The following RFX2 variants were observed in gnomAD, a reference collection of about 807,000 sequenced individuals.
RFX2 encodes regulatory factor X2.
Under a neutral mutation model 87.8 loss-of-function variants are expected in RFX2, and 20 were observed. The observed-to-expected ratio is 0.23, with a 90% CI of 0.16 to 0.33. The LOEUF (loss-of-function observed/expected upper bound fraction) is 0.33. Among genes scored for constraint, RFX2 ranks in the 10% least tolerant of loss-of-function variants. RFX2 has a pLI of 1.00. For missense variants in RFX2, 767 were observed against 1,012.3 expected (o/e 0.76, Z 3.29); for synonymous variants, 397 against 431.3 (o/e 0.92, Z 0.98).
intron 1 of RFX2, among the ~76,000 whole-genome samples, chr19:6,100,419 G>C (rs997701033): frequency 1.3e-5 from 2 of 152,210 alleles, no homozygotes; most frequent in Admixed American, 6.5e-5. Context: ...ATCCAGAGAC[G>C]ACAGAGCCCA....
At chr19:6,055,482 G>A (rs1429784865) in intron 1 of RFX2, among the ~76,000 whole-genome samples, 1 of 152,102 alleles carries the variant, frequency 6.6e-6, no homozygotes, top group Non-Finnish European at 1.5e-5. Context: ...AAAGTACAGT[G>A]GCACAATCAC....
At position 6,047,124 on chromosome 19, in the gene RFX2, A is replaced by G. The variant is rs2087201875; in HGVS notation, c.90+283T>C. On this transcript the variant is annotated intron_variant, in intron 2 of 17. Coordinates refer to ENST00000303657, the MANE Select transcript of RFX2 (RefSeq NM_000635.4). The surrounding 1 kb of genome is among the most constrained non-coding windows in gnomAD (Gnocchi z 4.2). ...TAAAAGGGTCATTTCCAAGTACAAG[A>G]AAACCTCCACTGAAAGCTAAGAAGA... Among the ~76,000 whole-genome samples the G allele has an allele frequency of 2.0e-5, 3 of 152,198 alleles. No individual in the cohort carries two copies. The highest frequency in any genetic ancestry group is 6.5e-5 in the Admixed American group (1 of 15,280).
chr19:6,056,221 G>C lies in RFX2; in HGVS notation c.-8-8717C>G, dbSNP rs1246820093. Among the ~76,000 whole-genome samples, 1 of 152,224 alleles carries C rather than the reference G, an allele frequency of 6.6e-6. No homozygotes were observed. Among genetic ancestry groups the C allele is most frequent in the African/African-American group, 2.4e-5 (1 of 41,452 alleles). On this transcript the variant is annotated intron_variant, in intron 1 of 17. Coordinates refer to ENST00000303657, the MANE Select transcript of RFX2 (RefSeq NM_000635.4). This position sits in a 1 kb window ranked among gnomAD's most constrained non-coding sequence, Gnocchi z 4.6. ...AAGCCTGTAAAAATACAAGGGTGGAGAGGAGGACGGAGAGTGGGTACAGGT... is the reference window on the plus strand; with the variant it reads ...AAGCCTGTAAAAATACAAGGGTGGACAGGAGGACGGAGAGTGGGTACAGGT...
rs146360636 is a variant in RFX2, at chr19:5,994,699, C to T, written c.*136G>A. 171 of 632,016 alleles carry T rather than the reference C, an allele frequency of 2.7e-4. No individual in the cohort carries two copies. In the African/African-American group the frequency reaches 2.9e-3, roughly 11 times the overall value. 39.2% of individuals were successfully genotyped at this position (632,016 alleles called of 1,614,324 possible). On this transcript the variant is annotated 3_prime_UTR_variant, in exon 18 of 18. Transcript: ENST00000303657. ...TGCTTTCCTTCTTGAACACTGACCC[C>T]GGGAGCCCCCGCTTGAGTCAAAGTA...
chr19:6,090,950 G>A (rs1271628996), intron 1 of RFX2, among the ~76,000 whole-genome samples: 2 of 152,168 alleles, frequency 1.3e-5, no homozygotes, highest in Admixed American at 6.5e-5. Flanking sequence ...AGTCAGTCAC[G>A]AAAAAGGTCA....
In RFX2 at chr19:6,061,951, G is replaced by A. The variant is rs896939552; in HGVS notation, c.-8-14447C>T. ...GAACCCAGGAGTTCGAGACCAGCCT[G>A]GGCAACATAGCGAGGCCCCATCTCT... On this transcript the variant is annotated intron_variant, in intron 1 of 17. Coordinates refer to ENST00000303657, the MANE Select transcript of RFX2 (RefSeq NM_000635.4). The surrounding 1 kb of genome is among the most constrained non-coding windows in gnomAD (Gnocchi z 5.2). Among the ~76,000 whole-genome samples the A allele has an allele frequency of 6.6e-6, 1 of 152,134 alleles. No individual in the cohort carries two copies. The highest frequency in any genetic ancestry group is 1.5e-5 in the Non-Finnish European group (1 of 68,032).
chr19:6,075,441 C>T (rs988201848), intron 1 of RFX2, among the ~76,000 whole-genome samples: 7 of 152,186 alleles, frequency 4.6e-5, no homozygotes, highest in African/African-American at 7.2e-5. Flanking sequence ...TGGAAGCAAA[C>T]GTCAGGGCTG....
chr19:6,082,669 G>A lies in RFX2; in HGVS notation c.-9+27724C>T, dbSNP rs183134574. Among the ~76,000 whole-genome samples, 4 of 152,286 alleles carry A rather than the reference G, an allele frequency of 2.6e-5. No homozygotes were observed. In the East Asian group the frequency reaches 7.7e-4, roughly 29 times the overall value. Reference sequence around the variant, plus strand: ...ACTGGTCTTGAACTCCAGGGCTCATGGGATCCGCCCACTTTGGCCTCCCAA... The same window carrying A: ...ACTGGTCTTGAACTCCAGGGCTCATAGGATCCGCCCACTTTGGCCTCCCAA... On this transcript the variant is annotated intron_variant, in intron 1 of 17. Coordinates refer to ENST00000303657, the MANE Select transcript of RFX2 (RefSeq NM_000635.4).
chr19:6,098,299 A>ACT (rs2088058897), intron 1 of RFX2, among the ~76,000 whole-genome samples: 1 of 152,134 alleles, frequency 6.6e-6, no homozygotes, highest in Admixed American at 6.6e-5. Context: ...GAGAACTGTT[A>ACT]CTGGTCTAAC....
In RFX2 at chr19:6,044,494, T is replaced by C. The variant is rs906410503; in HGVS notation, c.91-212A>G. Among the ~76,000 whole-genome samples the C allele has an allele frequency of 2.0e-5, 3 of 152,152 alleles. No homozygotes were observed. Among genetic ancestry groups the C allele is most frequent in the Non-Finnish European group, 2.9e-5 (2 of 68,020 alleles). ...CAGGTACGTGCAGGCACACAAACAA[T>C]GCACATACATACACAAGTGTGCACA... On this transcript the variant is annotated intron_variant, in intron 2 of 17. Transcript: ENST00000303657. The surrounding 1 kb of genome is among the most constrained non-coding windows in gnomAD (Gnocchi z 5.3).
chr19:6,016,406 T>C lies in RFX2; in HGVS notation c.598-135A>G. 1 of 603,682 alleles carries C rather than the reference T, an allele frequency of 1.7e-6. No homozygotes were observed. The highest frequency in any genetic ancestry group is 3.1e-5 in the East Asian group (1 of 31,924). 37.4% of individuals were successfully genotyped at this position (603,682 alleles called of 1,614,324 possible). On this transcript the variant is annotated intron_variant, in intron 6 of 17. Coordinates refer to ENST00000303657, the MANE Select transcript of RFX2 (RefSeq NM_000635.4). The surrounding 1 kb of genome is among the most constrained non-coding windows in gnomAD (Gnocchi z 5.4). ...TGAGGAAATCCATCTTTTCTTTCTT[T>C]TTGAGGCGGAGTCTTGCTCTGTCAC...
In RFX2 at chr19:6,042,064, G is replaced by A. The variant is rs772436868; in HGVS notation, c.240C>T (p.Ala80=). The change falls in exon 4 of 18, where the codon GCC becomes GCT. Residue 80 remains alanine, a synonymous_variant. Coordinates refer to ENST00000303657, the MANE Select transcript of RFX2 (RefSeq NM_000635.4). ...AQVQYVEGGD[A]VYTNGAIRTA... is the part of the protein sequence containing the mutation. Reference sequence around the variant, plus strand: ...CGCACATGGCTCCATTGGTGTAGACGGCGTCTCCCCCTTCCACGTACTGCA... The same window carrying A: ...CGCACATGGCTCCATTGGTGTAGACAGCGTCTCCCCCTTCCACGTACTGCA... 1.1e-5 allele frequency: 18 copies of A among 1,613,728 alleles called. No homozygotes were observed. The highest frequency in any genetic ancestry group is 1.3e-5 in the African/African-American group (1 of 74,852).
At chr19:6,076,292 C>T (rs747722996) in intron 1 of RFX2, among the ~76,000 whole-genome samples, 4 of 152,056 alleles carry the variant, frequency 2.6e-5, no homozygotes, top group Admixed American at 1.3e-4. Context: ...TGCAGTGAGC[C>T]GAGATGGTGC....
intron 13 of RFX2, among the ~76,000 whole-genome samples, chr19:6,003,256 T>A (rs1479515963): frequency 6.6e-6 from 1 of 151,602 alleles, no homozygotes; most frequent in African/African-American, 2.4e-5. Context: ...AGAGATGGGG[T>A]CTTGCTTGTT....
At chr19:6,091,431 G>C (rs1231268255) in intron 1 of RFX2, among the ~76,000 whole-genome samples, 1 of 149,534 alleles carries the variant, frequency 6.7e-6, no homozygotes, top group Non-Finnish European at 1.5e-5. Context: ...CTGGGCGACA[G>C]AGCAAGACCC....
intron 1 of RFX2, among the ~76,000 whole-genome samples, chr19:6,070,073 GT>G (rs2087576028): frequency 3.1e-4 from 1 of 3,194 alleles, no homozygotes; most frequent in Non-Finnish European, 8.2e-4. Context: ...GGGATGGGAT[GT>G]GGATGGGATG....
chr19:6,063,678 G>T lies in RFX2; in HGVS notation c.-8-16174C>A, dbSNP rs569090222. 6.6e-6 allele frequency among the ~76,000 whole-genome samples: 1 copy of T among 152,226 alleles called. No individual in the cohort carries two copies. The highest frequency in any genetic ancestry group is 1.5e-5 in the Non-Finnish European group (1 of 68,036). On this transcript the variant is annotated intron_variant, in intron 1 of 17. Transcript: ENST00000303657. This position sits in a 1 kb window ranked among gnomAD's most constrained non-coding sequence, Gnocchi z 4.0. ...GAGCAGTGGGGAAACCCTCTCTCCA[G>T]TCAGCTTGTCATGTCATACAGGCTT...
intron 6 of RFX2, among the ~76,000 whole-genome samples, chr19:6,019,287 CAG>C (rs1353606812): frequency 9.2e-5 from 14 of 152,260 alleles, no homozygotes; most frequent in African/African-American, 2.9e-4. Context: ...AAAGGGACAT[CAG>C]AGTTTTCACT....
At chr19:6,109,535 G>A (rs1008808943) in intron 1 of RFX2, among the ~76,000 whole-genome samples, 1 of 152,086 alleles carries the variant, frequency 6.6e-6, no homozygotes, top group South Asian at 2.1e-4. Flanking sequence ...GTATGTCTGG[G>A]AGTCCATTAA....
Sources: allele counts gnomAD v4.1 joint callset (sites outside exome capture counted in the v4.1 genomes callset), GRCh38; gene constraint gnomAD v4.1.1; non-coding constraint Gnocchi (gnomAD v3.1); transcripts MANE v1.5; gene names NCBI Gene and HGNC (gene_info 2026-07-23, HGNC 2026-07-21).